Variants in ZNF385D observed in about 807,000 individuals in gnomAD.
ZNF385D encodes the protein zinc finger protein 659.
In ZNF385D, 15 loss-of-function variants were observed where a neutral mutation model predicts 35.8. That is an observed-to-expected ratio of 0.42 (90% CI 0.28 to 0.64). The LOEUF (loss-of-function observed/expected upper bound fraction) is 0.64. Ranked by LOEUF, ZNF385D falls within the 30% of genes least tolerant of loss-of-function variation. ZNF385D has a pLI of 0.23. For synonymous variants in ZNF385D, 212 were observed against 186.8 expected (o/e 1.13, Z -1.10); for missense variants, 474 against 494.6 (o/e 0.96, Z 0.39).
At chr3:22,070,176 A>ATGC (rs1700160408) in intron 3 of ZNF385D, among the ~76,000 whole-genome samples, 1 of 152,164 alleles carries the variant, frequency 6.6e-6, no homozygotes, top group Non-Finnish European at 1.5e-5. Flanking sequence ...AACAACAAGC[A>ATGC]TTATCTACTC....
chr3:21,896,428 A>T (rs1157998127), intron 3 of ZNF385D, among the ~76,000 whole-genome samples: 1 of 152,190 alleles, frequency 6.6e-6, no homozygotes, highest in East Asian at 1.9e-4. Context: ...CCTTAACACT[A>T]AGGCACATAT....
At chr3:21,984,357 G>C (rs1421719656) in intron 3 of ZNF385D, among the ~76,000 whole-genome samples, 1 of 125,508 alleles carries the variant, frequency 8.0e-6, no homozygotes, top group Non-Finnish European at 1.6e-5. Flanking sequence ...GTGTAAGGAA[G>C]GGATCCAGTT....
intron 3 of ZNF385D, among the ~76,000 whole-genome samples, chr3:21,834,342 CAT>C (rs1695191574): frequency 6.6e-6 from 1 of 152,160 alleles, no homozygotes; most frequent in Non-Finnish European, 1.5e-5. Context: ...CAGGAATAGA[CAT>C]GTGCCACAAT....
intron 2 of ZNF385D, among the ~76,000 whole-genome samples, chr3:21,594,609 G>C (rs1464976172): frequency 6.6e-6 from 1 of 152,118 alleles, no homozygotes; most frequent in African/African-American, 2.4e-5. Context: ...GTCAACTAAA[G>C]GCCCTTTAAG....
intron 2 of ZNF385D, among the ~76,000 whole-genome samples, chr3:22,244,069 C>T (rs898491533): frequency 2.0e-5 from 3 of 150,554 alleles, no homozygotes; most frequent in Non-Finnish European, 4.4e-5. Flanking sequence ...ACTGAAAAAC[C>T]TCTCAAGACT....
At chr3:22,131,925 A>T (rs1428258889) in intron 3 of ZNF385D, among the ~76,000 whole-genome samples, 5 of 152,308 alleles carry the variant, frequency 3.3e-5, no homozygotes, top group East Asian at 1.9e-4. Context: ...GATGCTAATG[A>T]ATTTAAAATA....
At chr3:21,849,911 T>G (rs935526532) in intron 3 of ZNF385D, among the ~76,000 whole-genome samples, 1 of 151,828 alleles carries the variant, frequency 6.6e-6, no homozygotes, top group Non-Finnish European at 1.5e-5. Flanking sequence ...TCCAGCAAAT[T>G]TTTAAATTGT....
At chr3:21,824,527 C>T (rs944401170) in intron 3 of ZNF385D, among the ~76,000 whole-genome samples, 2 of 152,120 alleles carry the variant, frequency 1.3e-5, no homozygotes, top group African/African-American at 2.4e-5. Flanking sequence ...ATATATGCCT[C>T]ATCTTTTCTT....
chr3:21,619,212 A>G (rs904697866), intron 2 of ZNF385D, among the ~76,000 whole-genome samples: 1 of 152,078 alleles, frequency 6.6e-6, no homozygotes, highest in Non-Finnish European at 1.5e-5. Context: ...CCCAAGTCCT[A>G]TTTTGGGGGA....
chr3:21,420,664 T>C lies in ZNF385D; in HGVS notation c.*550A>G, dbSNP rs1700694513. The C allele has an allele frequency of 6.5e-6, 1 of 152,794 alleles. No individual in the cohort carries two copies. The highest frequency in any genetic ancestry group is 6.5e-5 in the Admixed American group (1 of 15,376). The allele number at this position is 152,794 out of a possible 1,614,324, so 9.5% of individuals were successfully genotyped here. ...TGGCATAGATTGAGACACAGCACTA[T>C]TGTTTTACAAGACATCTACTGTATC... On this transcript the variant is annotated 3_prime_UTR_variant, in exon 8 of 8. Coordinates refer to ENST00000281523, the MANE Select transcript of ZNF385D (RefSeq NM_024697.3).
intron 3 of ZNF385D, among the ~76,000 whole-genome samples, chr3:22,056,386 C>G (rs1699402445): frequency 6.7e-6 from 1 of 150,232 alleles, no homozygotes; most frequent in Admixed American, 6.7e-5. Flanking sequence ...TAGGGGCTGT[C>G]TATTACAGAC....
At chr3:22,202,425 G>A (rs1696859177) in intron 2 of ZNF385D, among the ~76,000 whole-genome samples, 1 of 152,104 alleles carries the variant, frequency 6.6e-6, no homozygotes, top group African/African-American at 2.4e-5. Context: ...ACAGGGAAGT[G>A]TGCCTGGGGG....
intron 2 of ZNF385D, among the ~76,000 whole-genome samples, chr3:22,303,545 G>A (rs1575077653): frequency 6.6e-6 from 1 of 152,050 alleles, no homozygotes; most frequent in Non-Finnish European, 1.5e-5. Context: ...TCTAAATGAT[G>A]TTTAAAACAT....
intron 2 of ZNF385D, among the ~76,000 whole-genome samples, chr3:22,181,660 T>C (rs1435887874): frequency 7.2e-6 from 1 of 139,232 alleles, no homozygotes; most frequent in Non-Finnish European, 1.5e-5. Context: ...ATGGGGCCAC[T>C]GCACTCCGGC....
At chr3:22,015,751 T>G (rs908333403) in intron 3 of ZNF385D, among the ~76,000 whole-genome samples, 4 of 152,138 alleles carry the variant, frequency 2.6e-5, no homozygotes, top group African/African-American at 9.7e-5. Context: ...GCATTACCTC[T>G]TCTAATTGCT....
chr3:21,629,581 GTTTC>G (rs1232165985), intron 2 of ZNF385D, among the ~76,000 whole-genome samples: 1 of 152,268 alleles, frequency 6.6e-6, no homozygotes, highest in African/African-American at 2.4e-5. Context: ...CCCATGTAGA[GTTTC>G]TTTTTCTTCT....
intron 3 of ZNF385D, among the ~76,000 whole-genome samples, chr3:22,126,296 T>G (rs1212949304): frequency 6.7e-6 from 1 of 148,778 alleles, no homozygotes; most frequent in Non-Finnish European, 1.5e-5. Flanking sequence ...CATTAGGTTA[T>G]GTATTTGAAA....
intron 2 of ZNF385D, among the ~76,000 whole-genome samples, chr3:21,662,678 T>G: frequency 6.6e-6 from 1 of 152,074 alleles, no homozygotes; most frequent in Non-Finnish European, 1.5e-5. Context: ...TGACCATCAC[T>G]GGAAGGGAAT....
At position 22,037,653 on chromosome 3, in the gene ZNF385D, T is replaced by C. The variant is rs1698419729; in HGVS notation, c.325+131164A>G. 1.3e-5 allele frequency among the ~76,000 whole-genome samples: 2 copies of C among 152,312 alleles called. 1 individual carries two copies. Among genetic ancestry groups the C allele is most frequent in the South Asian group, 4.1e-4 (2 of 4,832 alleles). ...ATTGCAAAAATTTTCTCCCATTCTG[T>C]AGGTTGACTGTTCACTCTGATGGTA... On this transcript the variant is annotated intron_variant, in intron 3 of 5. Coordinates refer to the ZNF385D transcript ENST00000494108.
Sources: gnomAD v4.1 joint callset for allele counts (sites outside exome capture counted in the v4.1 genomes callset) on GRCh38, gnomAD v4.1.1 for gene constraint, MANE v1.5 for transcripts, NCBI Gene and HGNC (gene_info 2026-07-23, HGNC 2026-07-21) for gene names.